CTIF: variants seen among roughly 807,000 people sequenced by gnomAD.
CTIF encodes the protein CBP80/20-dependent translation initiation factor.
A neutral mutation model predicts 66.0 loss-of-function variants in CTIF; 21 were observed. That is an observed-to-expected ratio of 0.32 (90% CI 0.23 to 0.46). CTIF has a LOEUF of 0.46. CTIF is among the 20% of genes least tolerant of loss of function. The pLI is 1.00. For synonymous variants in CTIF, 345 were observed against 326.4 expected (o/e 1.06, Z -0.62); for missense variants, 739 against 812.7 (o/e 0.91, Z 1.10).
rs545564183 is a variant in CTIF at position 48,853,178 on chromosome 18, G to A, written c.1528-4410G>A. ...TTGGGGAGAGCAGTGGACCGACATC[G>A]CCCTACCCTCATGGAGCTTGCCTTC... On this transcript the variant is annotated intron_variant, in intron 10 of 11. Transcript: ENST00000256413. Among the ~76,000 whole-genome samples the A allele has an allele frequency of 3.3e-4, 50 of 152,288 alleles. 1 individual carries two copies. Among genetic ancestry groups the A allele is most frequent in the Middle Eastern group, 3.4e-3 (1 of 294 alleles).
intron 7 of CTIF, among the ~76,000 whole-genome samples, chr18:48,740,469 G>A (rs1489860438): frequency 6.6e-6 from 1 of 152,192 alleles, no homozygotes; most frequent in Non-Finnish European, 1.5e-5. Context: ...GACCATGCCT[G>A]GGCCTTCCCT....
intron 2 of CTIF, among the ~76,000 whole-genome samples, chr18:48,620,557 T>C (rs1026765165): frequency 1.5e-4 from 23 of 152,208 alleles, no homozygotes; most frequent in African/African-American, 5.5e-4. Flanking sequence ...TGTTTTCTTA[T>C]CTGGCAAATG....
At chr18:48,669,784 G>T (rs2091492298) in intron 5 of CTIF, among the ~76,000 whole-genome samples, 3 of 59,172 alleles carry the variant, frequency 5.1e-5, no homozygotes, top group Admixed American at 2.3e-4. Flanking sequence ...AAACAAACAA[G>T]CTAAACATTT....
Position 48,549,706 on chromosome 18 carries a change from T to C in CTIF, c.-29+10394T>C, listed in dbSNP as rs147594476. ...AGGGAAGCCTTTCCCAGAATTCCCC[T>C]GCTGAAGATTCTATCAAGGCTCCTT... On this transcript the variant is annotated intron_variant, in intron 1 of 11. Transcript: ENST00000256413. Among the ~76,000 whole-genome samples the C allele has an allele frequency of 1.7e-3, 263 of 152,344 alleles. 1 individual carries two copies. Among genetic ancestry groups the C allele is most frequent in the African/African-American group, 6.0e-3 (248 of 41,576 alleles).
chr18:48,758,137 A>C lies in CTIF; in HGVS notation c.803A>C (p.His268Pro), dbSNP rs772137427. 6.2e-7 allele frequency: 1 copy of C among 1,614,024 alleles called. No homozygotes were observed. The highest frequency in any genetic ancestry group is 8.5e-7 in the Non-Finnish European group (1 of 1,180,000). The change falls in exon 8 of 12, where the codon CAC becomes CCC. Residue 268 changes from histidine to proline, a missense_variant. This residue lies in a region of CTIF where 529 missense variants were observed against 520.3 expected (regional missense o/e 1.02). Transcript: ENST00000256413. Reference protein sequence around the residue: ...PPGDKGEAGAHRNAKETMTIE... With the variant: ...PPGDKGEAGAPRNAKETMTIE... ...GGCGACAAGGGGGAGGCAGGCGCACACCGCAATGCCAAAGAGACCATGACC... is the reference window on the plus strand; with the variant it reads ...GGCGACAAGGGGGAGGCAGGCGCACCCCGCAATGCCAAAGAGACCATGACC...
intron 3 of CTIF, among the ~76,000 whole-genome samples, chr18:48,643,002 C>T (rs2090962611): frequency 6.6e-6 from 1 of 152,154 alleles, no homozygotes; most frequent in Admixed American, 6.5e-5. Context: ...CTACTCTGTG[C>T]CTGGAATGAG....
chr18:48,634,933 T>C (rs2090785702), intron 2 of CTIF, among the ~76,000 whole-genome samples: 1 of 152,240 alleles, frequency 6.6e-6, no homozygotes, highest in African/African-American at 2.4e-5. Flanking sequence ...TTCATATTGA[T>C]TACCTGTTGA....
At chr18:48,551,070 C>T (rs1432397521) in intron 1 of CTIF, among the ~76,000 whole-genome samples, 1 of 150,544 alleles carries the variant, frequency 6.6e-6, no homozygotes, top group Non-Finnish European at 1.5e-5. Context: ...GATTGGTGGC[C>T]AGGCCTTTAA....
chr18:48,643,320 T>C (rs1254219789), intron 3 of CTIF, among the ~76,000 whole-genome samples: 1 of 152,196 alleles, frequency 6.6e-6, no homozygotes, highest in African/African-American at 2.4e-5. Flanking sequence ...TATCTATTTT[T>C]ATGGTTAAGT....
At chr18:48,659,924 G>A (rs780316690) in intron 3 of CTIF, among the ~76,000 whole-genome samples, 14 of 152,126 alleles carry the variant, frequency 9.2e-5, no homozygotes, top group East Asian at 1.9e-4. Context: ...TCTTGATGTC[G>A]TTCAGGGATA....
chr18:48,857,693 T>G (rs562167902), intron 11 of CTIF, 52 bp downstream of exon 11: 11 of 1,552,150 alleles, frequency 7.1e-6, no homozygotes, highest in African/African-American at 2.7e-5. Context: ...GCATCTCTCA[T>G]GCCTTAACAG....
chr18:48,630,142 G>A (rs939498672), intron 2 of CTIF, among the ~76,000 whole-genome samples: 3 of 152,086 alleles, frequency 2.0e-5, no homozygotes, highest in Non-Finnish European at 4.4e-5. Context: ...TTTGTCCAGC[G>A]TTTCTAGGCT....
chr18:48,621,595 G>A (rs78756153), intron 2 of CTIF: 11,140 of 378,230 alleles, frequency 0.029, 228 homozygotes, highest in South Asian at 0.047. Flanking sequence ...GAGGGGAGTC[G>A]AGGGAGTGGG....
intron 3 of CTIF, among the ~76,000 whole-genome samples, chr18:48,661,176 T>A (rs1224722017): frequency 6.6e-6 from 1 of 152,092 alleles, no homozygotes; most frequent in Non-Finnish European, 1.5e-5. Context: ...TTGGGGAAGG[T>A]CTAACATTCA....
At chr18:48,593,573 G>C (rs2089933298) in intron 1 of CTIF, among the ~76,000 whole-genome samples, 1 of 151,418 alleles carries the variant, frequency 6.6e-6, no homozygotes, top group Non-Finnish European at 1.5e-5. Flanking sequence ...TAGTAGAGAC[G>C]GGGTTTCACC....
At chr18:48,771,339 C>G (rs992464057) in intron 9 of CTIF, among the ~76,000 whole-genome samples, 26 of 152,222 alleles carry the variant, frequency 1.7e-4, no homozygotes, top group African/African-American at 6.0e-4. Flanking sequence ...ATTCATCAGG[C>G]ATCAGCTGGC....
At chr18:48,692,304 A>G (rs1292697690) in intron 6 of CTIF, among the ~76,000 whole-genome samples, 5 of 139,156 alleles carry the variant, frequency 3.6e-5, no homozygotes, top group African/African-American at 1.3e-4. Context: ...GCCACAAAAA[A>G]ACAAAAACAA....
At chr18:48,640,424 C>T (rs1182763071) in intron 3 of CTIF, among the ~76,000 whole-genome samples, 1 of 152,242 alleles carries the variant, frequency 6.6e-6, no homozygotes, top group Non-Finnish European at 1.5e-5. Flanking sequence ...ACTGAGTTGG[C>T]CCAGGCTCAG....
intron 1 of CTIF, among the ~76,000 whole-genome samples, chr18:48,593,651 G>T: frequency 6.6e-6 from 1 of 151,872 alleles, no homozygotes; most frequent in East Asian, 1.9e-4. Flanking sequence ...CAAAGTGCTG[G>T]GATTACAGGT....
Sources: allele counts gnomAD v4.1 joint callset (sites outside exome capture counted in the v4.1 genomes callset), GRCh38; gene constraint gnomAD v4.1.1; regional missense constraint gnomAD v4.1.1; transcripts MANE v1.5; gene names NCBI Gene and HGNC (gene_info 2026-07-23, HGNC 2026-07-21).